Variants in SAMD4A observed in about 807,000 individuals in gnomAD.
SAMD4A encodes protein Smaug homolog 1.
A neutral mutation model predicts 81.3 loss-of-function variants in SAMD4A; 33 were observed. That is an observed-to-expected ratio of 0.41 (90% CI 0.31 to 0.54). The LOEUF (loss-of-function observed/expected upper bound fraction) is 0.54. Ranked by LOEUF, SAMD4A falls within the 20% of genes least tolerant of loss-of-function variation. SAMD4A has a pLI of 0.37. For synonymous variants in SAMD4A, 389 were observed against 382.1 expected, an observed-to-expected ratio of 1.02 and a Z score of -0.21; for missense variants, 854 against 951.1, an observed-to-expected ratio of 0.90 and a Z score of 1.34.
intron 2 of SAMD4A, chr14:54,688,404 T>G: frequency 1.3e-3 from 1,277 of 951,896 alleles, no homozygotes; most frequent in Middle Eastern, 2.2e-3. Context: ...TGGGGGTGGT[T>G]TGTGAGGGTG....
At chr14:54,625,083 C>A (rs1271729347) in intron 2 of SAMD4A, among the ~76,000 whole-genome samples, 1 of 152,096 alleles carries the variant, frequency 6.6e-6, no homozygotes, top group Non-Finnish European at 1.5e-5. Flanking sequence ...TTTTTTAACA[C>A]CTAACCATTT....
At chr14:54,666,471 G>A (rs1343559675) in intron 2 of SAMD4A, among the ~76,000 whole-genome samples, 1 of 152,096 alleles carries the variant, frequency 6.6e-6, no homozygotes, top group Non-Finnish European at 1.5e-5. Context: ...CCCTCCATAT[G>A]TGTGGATTTC....
intron 2 of SAMD4A, among the ~76,000 whole-genome samples, chr14:54,697,210 G>A (rs1054893024): frequency 2.0e-5 from 3 of 152,168 alleles, no homozygotes; most frequent in African/African-American, 4.8e-5. Flanking sequence ...TCAGCACCCT[G>A]GGGATACTCT....
chr14:54,729,503 C>T (rs2037506802), intron 3 of SAMD4A, among the ~76,000 whole-genome samples: 3 of 152,146 alleles, frequency 2.0e-5, no homozygotes, highest in Admixed American at 6.5e-5. Context: ...TGGCCACTTG[C>T]TTAACTCCAT....
intron 8 of SAMD4A, among the ~76,000 whole-genome samples, chr14:54,767,737 G>T (rs2038590137): frequency 1.3e-5 from 2 of 152,186 alleles, no homozygotes; most frequent in Admixed American, 6.5e-5. Flanking sequence ...AGCGGAGGGG[G>T]CTGCAGTGAG....
At chr14:54,724,518 G>A (rs1287439112) in intron 3 of SAMD4A, among the ~76,000 whole-genome samples, 1 of 152,192 alleles carries the variant, frequency 6.6e-6, no homozygotes, top group Non-Finnish European at 1.5e-5. Flanking sequence ...AATGGTAGCT[G>A]ATGATATTGT....
At chr14:54,736,421 C>T (rs948359109) in intron 3 of SAMD4A, among the ~76,000 whole-genome samples, 2 of 152,154 alleles carry the variant, frequency 1.3e-5, no homozygotes, top group African/African-American at 2.4e-5. Flanking sequence ...GCTGCAGTGC[C>T]CCATACCCTG....
intron 2 of SAMD4A, among the ~76,000 whole-genome samples, chr14:54,644,957 T>C (rs1192643077): frequency 6.6e-6 from 1 of 152,126 alleles, no homozygotes; most frequent in Non-Finnish European, 1.5e-5. Flanking sequence ...TGGTATCTGG[T>C]GATAGTGTAC....
chr14:54,710,102 G>A (rs749750249), intron 3 of SAMD4A, among the ~76,000 whole-genome samples: 2 of 152,138 alleles, frequency 1.3e-5, no homozygotes, highest in Admixed American at 6.5e-5. Context: ...GCTGGCCTTT[G>A]TTAGCCCAAC....
In SAMD4A at chr14:54,763,494, T is replaced by C. The variant is rs114034883; in HGVS notation, c.1511-961T>C. On this transcript the variant is annotated intron_variant, in intron 7 of 12. Transcript: ENST00000554335. ...ATGTATTTAACAAAGTCCCAATTAATAGGCAGTGAGGTAGTTTACAAGGTT... is the reference window on the plus strand; with the variant it reads ...ATGTATTTAACAAAGTCCCAATTAACAGGCAGTGAGGTAGTTTACAAGGTT... Among the ~76,000 whole-genome samples, 1,283 of 152,306 alleles carry C rather than the reference T, an allele frequency of 8.4e-3. 20 individuals are homozygous for C. Among genetic ancestry groups the C allele is most frequent in the African/African-American group, 0.029 (1,195 of 41,568 alleles).
At chr14:54,636,868 A>G (rs1275655780) in intron 2 of SAMD4A, among the ~76,000 whole-genome samples, 2 of 152,150 alleles carry the variant, frequency 1.3e-5, no homozygotes, top group African/African-American at 4.8e-5. Flanking sequence ...GATATTGATT[A>G]TACCTCCAAG....
intron 3 of SAMD4A, among the ~76,000 whole-genome samples, chr14:54,731,745 C>T (rs2037562950): frequency 6.6e-6 from 1 of 152,174 alleles, no homozygotes; most frequent in African/African-American, 2.4e-5. Context: ...CAAATCATCT[C>T]TATGTGGCTG....
At chr14:54,596,447 T>C (rs1318998093) in intron 2 of SAMD4A, among the ~76,000 whole-genome samples, 2 of 152,076 alleles carry the variant, frequency 1.3e-5, no homozygotes, top group Non-Finnish European at 2.9e-5. Context: ...TAGCCAGGCA[T>C]GGTGGTGCGT....
intron 2 of SAMD4A, among the ~76,000 whole-genome samples, chr14:54,626,051 T>TGCGCGCGCGC (rs1369113276): frequency 7.7e-6 from 1 of 129,536 alleles, no homozygotes; most frequent in African/African-American, 3.2e-5. Context: ...TGTGTGTGTG[T>TGCGCGCGCGC]GTGTGTGTGC....
chr14:54,566,211 C>T (rs1357951436), upstream of SAMD4A, among the ~76,000 whole-genome samples: 1 of 151,306 alleles, frequency 6.6e-6, no homozygotes. Context: ...GACGGCATGG[C>T]CCGCGGCCGG....
intron 2 of SAMD4A, among the ~76,000 whole-genome samples, chr14:54,690,570 G>A (rs926402373): frequency 6.6e-6 from 1 of 151,964 alleles, no homozygotes; most frequent in Non-Finnish European, 1.5e-5. Context: ...CTACCCCATT[G>A]GTCTGATTCT....
At chr14:54,761,387 G>C (rs544248224) in intron 7 of SAMD4A, among the ~76,000 whole-genome samples, 1 of 152,138 alleles carries the variant, frequency 6.6e-6, no homozygotes, top group Non-Finnish European at 1.5e-5. Flanking sequence ...GGTTCTCTCC[G>C]CTGTGAGGTG....
At chr14:54,577,736 C>T (rs537376219) in intron 2 of SAMD4A, among the ~76,000 whole-genome samples, 246 of 152,240 alleles carry the variant, frequency 1.6e-3, no homozygotes, top group Non-Finnish European at 2.0e-3. Context: ...GGTACACACT[C>T]GGAGGGAGAT....
chr14:54,659,589 A>C (rs2035594973), intron 2 of SAMD4A, among the ~76,000 whole-genome samples: 2 of 152,284 alleles, frequency 1.3e-5, no homozygotes, highest in South Asian at 4.1e-4. Flanking sequence ...TTCTTCAGCA[A>C]ATATTTACTG....
Sources: gnomAD v4.1 joint callset for allele counts (sites outside exome capture counted in the v4.1 genomes callset) on GRCh38, gnomAD v4.1.1 for gene constraint, MANE v1.5 for transcripts, NCBI Gene and HGNC (gene_info 2026-07-23, HGNC 2026-07-21) for gene names.